LMNA: variants seen among roughly 807,000 people sequenced by gnomAD.
The protein encoded by LMNA is lamin.
LMNA carries 20 observed loss-of-function variants against 70.4 expected under a neutral mutation model. The ratio of observed to expected loss-of-function variants is 0.28; its 90% confidence interval spans 0.20 to 0.41. LMNA has a LOEUF of 0.41. Ranked by LOEUF, LMNA falls within the 10% of genes least tolerant of loss-of-function variation. The probability of loss-of-function intolerance (pLI) is 1.00; values close to 1 mark genes in which losing one functional copy is unlikely to be tolerated. For missense variants in LMNA, 652 were observed against 917.2 expected, an observed-to-expected ratio of 0.71 and a Z score of 3.73; for synonymous variants, 339 against 372.8, an observed-to-expected ratio of 0.91 and a Z score of 1.04.
intron 2 of LMNA, among the ~76,000 whole-genome samples, chr1:156,088,112 C>T (rs544248484): frequency 3.3e-5 from 5 of 152,050 alleles, no homozygotes; most frequent in East Asian, 3.9e-4. Flanking sequence ...CCTCGTGATC[C>T]GCCCGCCTCG....
At chr1:156,126,817 G>A in intron 1 of LMNA, 1 of 1,611,070 alleles carries the variant, frequency 6.2e-7, no homozygotes, top group South Asian at 1.1e-5. Context: ...AGCCACTCCT[G>A]TGCTTGGGGA....
At position 156,135,851 on chromosome 1, in the gene LMNA, C is replaced by A; in HGVS notation, c.937-50C>A. The A allele has an allele frequency of 6.5e-7, 1 of 1,540,404 alleles. No individual in the cohort carries two copies. The highest frequency in any genetic ancestry group is 1.1e-5 in the South Asian group (1 of 88,748). On this transcript the variant is annotated intron_variant, in intron 5 of 11. Coordinates refer to ENST00000368300, the MANE Select transcript of LMNA (RefSeq NM_170707.4). This position sits in a 1 kb window ranked among gnomAD's most constrained non-coding sequence, Gnocchi z 4.8. ...TACACCGACCCACGTCCCTCCTTCC[C>A]CATACTTAGGGCCCTTGGGAGCTCA...
chr1:156,105,328 T>C (rs1466792177), intron 3 of LMNA, among the ~76,000 whole-genome samples: 2 of 152,128 alleles, frequency 1.3e-5, no homozygotes, highest in Non-Finnish European at 2.9e-5. Context: ...GTTCTACTTC[T>C]AGGCAATGAA....
chr1:156,119,232 C>G (rs981008025), intron 1 of LMNA, among the ~76,000 whole-genome samples: 1 of 152,168 alleles, frequency 6.6e-6, no homozygotes, highest in African/African-American at 2.4e-5. Flanking sequence ...ATTCTCCTGC[C>G]TCAGCCTCCC....
At position 156,139,583 on chromosome 1, in the gene LMNA, G is replaced by T; in HGVS notation, c.*477G>T. The T allele has an allele frequency of 1.4e-6, 2 of 1,400,740 alleles. No individual in the cohort carries two copies. Among genetic ancestry groups the T allele is most frequent in the Non-Finnish European group, 1.8e-6 (2 of 1,082,888 alleles). The allele number at this position is 1,400,740 out of a possible 1,614,324, so 86.8% of individuals were successfully genotyped here. A position where few individuals can be genotyped will look rare whatever the true frequency, so the allele number is the denominator to read the frequency against. The stretch of plus-strand genomic sequence containing the variant: ...CAGGCTCACTGCCAGGCCAGCCTCC[G>T]AGAGGGAGAGAGAGAGAGAGAGGAC... On this transcript the variant is annotated 3_prime_UTR_variant, in exon 12 of 12. Transcript: ENST00000368300.
intron 2 of LMNA, among the ~76,000 whole-genome samples, chr1:156,132,101 T>TCACACC (rs1651123542): frequency 6.6e-6 from 1 of 151,818 alleles, no homozygotes; most frequent in African/African-American, 2.4e-5. Context: ...GAACCCAGGA[T>TCACACC]CAGAGGTTGT....
Position 156,138,664 on chromosome 1 carries a change from C to T in LMNA, c.1875C>T (p.Ser625=). The T allele has an allele frequency of 6.2e-7, 1 of 1,613,702 alleles. No individual in the cohort carries two copies. Among genetic ancestry groups the T allele is most frequent in the Non-Finnish European group, 8.5e-7 (1 of 1,179,972 alleles). Residue 625 remains serine, a synonymous_variant, in exon 11 of 12, where the codon AGC becomes AGT. Coordinates refer to ENST00000368300, the MANE Select transcript of LMNA (RefSeq NM_170707.4). This position sits in a 1 kb window ranked among gnomAD's most constrained non-coding sequence, Gnocchi z 5.5. ...SSASSVTVTR[S]YRSVGGSGGG... Reference sequence around the variant, plus strand: ...CCTCCAGTGTCACGGTCACTCGCAGCTACCGCAGTGTGGGGGGCAGTGGGG... The same window carrying T: ...CCTCCAGTGTCACGGTCACTCGCAGTTACCGCAGTGTGGGGGGCAGTGGGG...
chr1:156,117,113 A>G lies in LMNA; in HGVS notation c.356+1839A>G, dbSNP rs570366794. 7.2e-3 allele frequency among the ~76,000 whole-genome samples: 965 copies of G among 134,704 alleles called. 9 individuals are homozygous for G. The highest frequency in any genetic ancestry group is 0.026 in the African/African-American group (925 of 35,640). 88.4% of individuals were successfully genotyped at this position (134,704 alleles called of 152,430 possible). On this transcript the variant is annotated intron_variant, in intron 1 of 11. Transcript: ENST00000368300. ...TTTTTTTTTTTTTTTAATTTTTAGT[A>G]GAGATGGGGTTTCACCATGTTGGCT...
At position 156,136,216 on chromosome 1, in the gene LMNA, T is replaced by TACGCCTGTCCCCCAGCCC. The variant is rs1553265793; in HGVS notation, c.1161_1178dup (p.Arg388_Pro393dup). On this transcript the variant is annotated inframe_insertion, in exon 7 of 12. Coordinates refer to ENST00000368300, the MANE Select transcript of LMNA (RefSeq NM_170707.4). This position sits in a 1 kb window ranked among gnomAD's most constrained non-coding sequence, Gnocchi z 6.1. ...CCACTTGGTCTCCCTCTCCCCAGGC[T>TACGCCTGTCCCCCAGCCC]ACGCCTGTCCCCCAGCCCTACCTCG... 21 of 1,612,740 alleles carry TACGCCTGTCCCCCAGCCC rather than the reference T, an allele frequency of 1.3e-5. No homozygotes were observed. The highest frequency in any genetic ancestry group is 1.6e-5 in the Non-Finnish European group (19 of 1,180,014).
At position 156,136,293 on chromosome 1, in the gene LMNA, G is replaced by T. The variant is rs766811975; in HGVS notation, c.1237G>T (p.Gly413Cys). The T allele has an allele frequency of 3.7e-6, 6 of 1,612,098 alleles. No homozygotes were observed. In the Admixed American group the frequency reaches 1.0e-4, roughly 27 times the overall value. The change falls in exon 7 of 12, where the codon GGC becomes TGC. Residue 413 changes from glycine to cysteine, a missense_variant. Coordinates refer to ENST00000368300, the MANE Select transcript of LMNA (RefSeq NM_170707.4). This position sits in a 1 kb window ranked among gnomAD's most constrained non-coding sequence, Gnocchi z 6.1. ...SSHSSQTQGG[G>C]SVTKKRKLES... ...TCACTCATCCCAGACACAGGGTGGG[G>T]GCAGCGTCACCAAAAAGCGCAAACT...
Position 156,139,071 on chromosome 1 carries a change from C to G in LMNA, c.1969-9C>G, listed in dbSNP as rs1651904446. The G allele has an allele frequency of 6.2e-7, 1 of 1,613,962 alleles. No homozygotes were observed. Among genetic ancestry groups the G allele is most frequent in the South Asian group, 1.1e-5 (1 of 91,070 alleles). ...TGCTCACACCTCTCTCCTCTGTTTTCTCTCTTAGAGCCCCCAGAACTGCAG... is the reference window on the plus strand; with the variant it reads ...TGCTCACACCTCTCTCCTCTGTTTTGTCTCTTAGAGCCCCCAGAACTGCAG... On this transcript the variant is annotated splice_polypyrimidine_tract_variant and intron_variant, in intron 11 of 11. Coordinates refer to ENST00000368300, the MANE Select transcript of LMNA (RefSeq NM_170707.4).
At chr1:156,101,628 AAGGAAGGAAGGGAGGGAGGG>A (rs1649141621) in intron 3 of LMNA, among the ~76,000 whole-genome samples, 1 of 89,056 alleles carries the variant, frequency 1.1e-5, no homozygotes, top group South Asian at 6.0e-4. Flanking sequence ...GGAAGGACGG[AAGGAAGGAAGGGAGGGAGGG>A]AGGGAGGGAG....
chr1:156,109,835 T>TATAC (rs1401524168), upstream of LMNA: 4 of 131,236 alleles, frequency 3.0e-5, no homozygotes, highest in East Asian at 5.2e-4. Context: ...TATATATATA[T>TATAC]ACACACACAC....
chr1:156,138,636 C>T lies in LMNA; in HGVS notation c.1847C>T (p.Ser616Phe), dbSNP rs1216664557. 6.2e-7 allele frequency: 1 copy of T among 1,613,422 alleles called. No homozygotes were observed. The highest frequency in any genetic ancestry group is 8.5e-7 in the Non-Finnish European group (1 of 1,179,920). Residue 616 changes from serine (S) to phenylalanine (F), a missense_variant, in exon 11 of 12, where the codon TCT (serine) becomes TTT (phenylalanine). Physicochemically the swap from Ser to Phe is radical, Grantham distance 155. Around this residue, in one of 4 missense-constraint regions of LMNA, gnomAD observed 327 missense variants for 387.6 expected, o/e 0.84. Coordinates refer to ENST00000368300, the MANE Select transcript of LMNA (RefSeq NM_170707.4). The surrounding 1 kb of genome is among the most constrained non-coding windows in gnomAD (Gnocchi z 5.5). ...QVGGPISSGS[S>F]ASSVTVTRSY... is the part of the protein sequence containing the mutation. ...GGCGGACCCATCTCCTCTGGCTCTT[C>T]TGCCTCCAGTGTCACGGTCACTCGC... is the stretch of plus-strand genomic sequence containing the variant.
chr1:156,108,205 G>A (rs539607412), intron 3 of LMNA, among the ~76,000 whole-genome samples: 2 of 152,060 alleles, frequency 1.3e-5, no homozygotes, highest in African/African-American at 2.4e-5. Flanking sequence ...GAGTAGGCAC[G>A]GTCTTCCACT....
At chr1:156,094,197 GA>G (rs1489880617) in intron 3 of LMNA, among the ~76,000 whole-genome samples, 9 of 152,292 alleles carry the variant, frequency 5.9e-5, no homozygotes, top group African/African-American at 2.2e-4. Context: ...TCTATCACGA[GA>G]AGTATACATG....
chr1:156,084,327 T>TTGGGG (rs1558104047), intron 2 of LMNA, among the ~76,000 whole-genome samples: 2 of 5,760 alleles, frequency 3.5e-4, no homozygotes, highest in African/African-American at 7.4e-4. Context: ...TCTCAGAAGG[T>TTGGGG]CGGGGGGTGG....
At chr1:156,107,082 C>T (rs1294588581) in intron 3 of LMNA, among the ~76,000 whole-genome samples, 1 of 152,184 alleles carries the variant, frequency 6.6e-6, no homozygotes, top group Non-Finnish European at 1.5e-5. Flanking sequence ...AGTTAGCCTG[C>T]CTAAGCCTCT....
At chr1:156,127,066 G>A (rs981336056) in intron 1 of LMNA, 39 of 747,692 alleles carry the variant, frequency 5.2e-5, no homozygotes, top group African/African-American at 1.1e-4. Flanking sequence ...GGCACTCAGC[G>A]TGTGCTCAGC....
Sources: allele counts gnomAD v4.1 joint callset (sites outside exome capture counted in the v4.1 genomes callset), GRCh38; gene constraint gnomAD v4.1.1; regional missense constraint gnomAD v4.1.1; non-coding constraint Gnocchi (gnomAD v3.1); transcripts MANE v1.5; gene names NCBI Gene and HGNC (gene_info 2026-07-23, HGNC 2026-07-21).